Variants in CDH4 observed in about 807,000 individuals in gnomAD.
The protein encoded by CDH4 is cadherin-4.
Under a neutral mutation model 86.0 loss-of-function variants are expected in CDH4, and 33 were observed. The observed-to-expected ratio is 0.38, with a 90% CI of 0.29 to 0.51. The LOEUF is 0.51. Ranked by LOEUF, CDH4 falls within the 20% of genes least tolerant of loss-of-function variation. The pLI, the probability that CDH4 is intolerant of heterozygous loss-of-function variation, is 0.86. For synonymous variants in CDH4, 555 were observed against 549.4 expected (o/e 1.01, Z -0.14); for missense variants, 1,114 against 1,307.4 (o/e 0.85, Z 2.28).
At chr20:61,909,788 T>C (rs758790790) in intron 8 of CDH4, among the ~76,000 whole-genome samples, 1 of 152,246 alleles carries the variant, frequency 6.6e-6, no homozygotes, top group African/African-American at 2.4e-5. Flanking sequence ...GCACCTTTTC[T>C]TCCTACAAGG....
At chr20:61,514,229 C>T (rs939295911) in intron 2 of CDH4, among the ~76,000 whole-genome samples, 5 of 152,014 alleles carry the variant, frequency 3.3e-5, no homozygotes, top group African/African-American at 1.2e-4. Context: ...GGTCTGGCTG[C>T]TGGGTATGAC....
At chr20:61,729,768 G>A (rs552320290) in intron 2 of CDH4, among the ~76,000 whole-genome samples, 14 of 152,324 alleles carry the variant, frequency 9.2e-5, no homozygotes, top group East Asian at 3.9e-4. Flanking sequence ...TCTCATCAGA[G>A]AGAGATGCAG....
chr20:61,668,585 G>T (rs981389933), intron 2 of CDH4, among the ~76,000 whole-genome samples: 1 of 152,158 alleles, frequency 6.6e-6, no homozygotes, highest in Admixed American at 6.5e-5. Flanking sequence ...TGCTGTCCAG[G>T]GCAACTCCTC....
In CDH4 at chr20:61,582,631, G is replaced by A. The variant is rs1250348484; in HGVS notation, c.170-160932G>A. On this transcript the variant is annotated intron_variant, in intron 2 of 15. Coordinates refer to ENST00000614565, the MANE Select transcript of CDH4 (RefSeq NM_001794.5). This position sits in a 1 kb window ranked among gnomAD's most constrained non-coding sequence, Gnocchi z 4.2. ...TCTTCCGTCCCCTGCAGGGCCTGGTGCGGTGGAGCCCAGGCAGTGCTCCCT... is the reference window on the plus strand; with the variant it reads ...TCTTCCGTCCCCTGCAGGGCCTGGTACGGTGGAGCCCAGGCAGTGCTCCCT... Among the ~76,000 whole-genome samples the A allele has an allele frequency of 3.3e-5, 5 of 152,170 alleles. No homozygotes were observed. The South Asian group carries it at 1.0e-3, about 31-fold the overall frequency.
intron 2 of CDH4, among the ~76,000 whole-genome samples, chr20:61,646,662 C>CT (rs2087064754): frequency 6.6e-6 from 1 of 152,250 alleles, no homozygotes; most frequent in Admixed American, 6.5e-5. Context: ...CAGGTGAGGG[C>CT]TACAGACACA....
chr20:61,458,198 G>A (rs1030862538), intron 2 of CDH4, among the ~76,000 whole-genome samples: 5 of 151,160 alleles, frequency 3.3e-5, no homozygotes, highest in Non-Finnish European at 7.4e-5. Flanking sequence ...GATGGTTATG[G>A]TCATGATGTT....
At chr20:61,265,508 A>T (rs188852413) in intron 2 of CDH4, among the ~76,000 whole-genome samples, 1 of 150,154 alleles carries the variant, frequency 6.7e-6, no homozygotes, top group East Asian at 2.0e-4. Context: ...AGTCCTACAC[A>T]TATCTCAGTG....
At chr20:61,630,018 G>A (rs1051145416) in intron 2 of CDH4, among the ~76,000 whole-genome samples, 9 of 152,144 alleles carry the variant, frequency 5.9e-5, no homozygotes, top group African/African-American at 2.2e-4. Context: ...CCGAGGCGGT[G>A]TGAGGCCTCT....
chr20:61,827,314 A>G (rs1981371346), intron 4 of CDH4, among the ~76,000 whole-genome samples: 1 of 152,244 alleles, frequency 6.6e-6, no homozygotes, highest in African/African-American at 2.4e-5. Flanking sequence ...TTACTTACAT[A>G]TTCCTGGTGG....
At chr20:61,820,912 A>G (rs1304566005) in intron 4 of CDH4, among the ~76,000 whole-genome samples, 1 of 152,060 alleles carries the variant, frequency 6.6e-6, no homozygotes, top group African/African-American at 2.4e-5. Context: ...TAGAAATAGG[A>G]CAGGCTTTGC....
Position 61,424,392 on chromosome 20 carries a change from CCA to C in CDH4, c.169+169462_169+169463del, listed in dbSNP as rs2085199682. Among the ~76,000 whole-genome samples the C allele has an allele frequency of 2.0e-5, 3 of 151,322 alleles. 1 individual carries two copies. The highest frequency in any genetic ancestry group is 4.2e-4 in the South Asian group (2 of 4,766). ...CACAAACATGTATCCACACACATAT[CCA>C]CACACAGCACACATGTATCCACACA... On this transcript the variant is annotated intron_variant, in intron 2 of 15. Transcript: ENST00000614565.
At chr20:61,842,856 A>G (rs1269035087) in intron 4 of CDH4, among the ~76,000 whole-genome samples, 1 of 152,118 alleles carries the variant, frequency 6.6e-6, no homozygotes, top group Non-Finnish European at 1.5e-5. Flanking sequence ...TTGATTATGA[A>G]AACATTCAAG....
intron 2 of CDH4, chr20:61,738,072 GC>G (rs1568787558): frequency 6.6e-6 from 1 of 152,196 alleles, no homozygotes; most frequent in Non-Finnish European, 1.5e-5. Context: ...ACCCTCTGGG[GC>G]CCACCTCCTT....
At chr20:61,402,248 T>C (rs527494061) in intron 2 of CDH4, among the ~76,000 whole-genome samples, 14 of 152,216 alleles carry the variant, frequency 9.2e-5, no homozygotes, top group African/African-American at 3.1e-4. Flanking sequence ...GTGTTACCTA[T>C]GCACATCCTC....
intron 2 of CDH4, among the ~76,000 whole-genome samples, chr20:61,440,905 G>A (rs1428625243): frequency 6.6e-6 from 1 of 152,184 alleles, no homozygotes; most frequent in Non-Finnish European, 1.5e-5. Context: ...GTCTGTAGTT[G>A]TCGGGAAGAG....
At chr20:61,653,873 C>T (rs1279102802) in intron 2 of CDH4, among the ~76,000 whole-genome samples, 1 of 137,240 alleles carries the variant, frequency 7.3e-6, no homozygotes, top group African/African-American at 2.6e-5. Flanking sequence ...GGATGGCGGC[C>T]GGGCAGAGAC....
chr20:61,704,083 C>T (rs1568766228), intron 2 of CDH4, among the ~76,000 whole-genome samples: 1 of 151,938 alleles, frequency 6.6e-6, no homozygotes, highest in Non-Finnish European at 1.5e-5. Flanking sequence ...GCAGAATTCC[C>T]CGTCTTGGGG....
intron 2 of CDH4, among the ~76,000 whole-genome samples, chr20:61,293,382 A>G (rs928442760): frequency 6.6e-6 from 1 of 152,076 alleles, no homozygotes; most frequent in Admixed American, 6.5e-5. Flanking sequence ...ATCTGGTCCC[A>G]TGGGTTCACA....
At chr20:61,694,693 CAG>C (rs2087697593) in intron 2 of CDH4, among the ~76,000 whole-genome samples, 1 of 152,112 alleles carries the variant, frequency 6.6e-6, no homozygotes, top group South Asian at 2.1e-4. Context: ...CAGTTGGACA[CAG>C]GGGTGTGAGG....
Sources: allele counts gnomAD v4.1 joint callset (sites outside exome capture counted in the v4.1 genomes callset), GRCh38; gene constraint gnomAD v4.1.1; non-coding constraint Gnocchi (gnomAD v3.1); transcripts MANE v1.5; gene names NCBI Gene and HGNC (gene_info 2026-07-23, HGNC 2026-07-21).